Variants in CRTC1 observed in about 807,000 individuals in gnomAD.
CRTC1 encodes the protein CREB regulated transcription coactivator 1, also known as CREB-regulated transcription coactivator 1.
In CRTC1, 18 loss-of-function variants were observed where a neutral mutation model predicts 66.1. The ratio of observed to expected loss-of-function variants is 0.27; its 90% CI spans 0.19 to 0.40. CRTC1 has a LOEUF of 0.40. CRTC1 is among the 10% of genes least tolerant of loss of function. The pLI is 1.00. For missense variants in CRTC1, 669 were observed against 887.9 expected, an observed-to-expected ratio of 0.75 and a Z score of 3.13; for synonymous variants, 416 against 398.8, an observed-to-expected ratio of 1.04 and a Z score of -0.51.
intron 1 of CRTC1, among the ~76,000 whole-genome samples, chr19:18,709,170 G>A (rs1373953101): frequency 6.6e-6 from 1 of 152,188 alleles, no homozygotes; most frequent in Non-Finnish European, 1.5e-5. Flanking sequence ...AGTGGGCAGA[G>A]CAGCTGCAGA....
intron 2 of CRTC1, chr19:18,744,017 G>T (rs1391482121): frequency 4.3e-6 from 6 of 1,402,526 alleles, no homozygotes; most frequent in Non-Finnish European, 6.0e-6. Context: ...GTCGCCCGAG[G>T]CCCACAGCCC....
chr19:18,695,693 G>A (rs924911889), intron 1 of CRTC1, among the ~76,000 whole-genome samples: 2 of 151,994 alleles, frequency 1.3e-5, no homozygotes, highest in African/African-American at 4.8e-5. Context: ...GTGAAACCCC[G>A]TCTCTACTAA....
intron 1 of CRTC1, among the ~76,000 whole-genome samples, chr19:18,725,016 C>T (rs953869567): frequency 6.6e-6 from 1 of 152,070 alleles, no homozygotes; most frequent in African/African-American, 2.4e-5. Context: ...CCCAGGAGCG[C>T]TCCTGTTGGT....
In CRTC1 at chr19:18,771,312, C is replaced by T. The variant is rs984907661; in HGVS notation, c.1321-130C>T. 4.1e-5 allele frequency: 29 copies of T among 698,908 alleles called. No homozygotes were observed. Among genetic ancestry groups the T allele is most frequent in the South Asian group, 6.1e-5 (3 of 49,130 alleles). The allele number at this position is 698,908 out of a possible 1,614,324, so 43.3% of individuals were successfully genotyped here. A position where few individuals can be genotyped will look rare whatever the true frequency, so the allele number is the denominator to read the frequency against. On this transcript the variant is annotated intron_variant, in intron 10 of 13. Transcript: ENST00000321949. This position sits in a 1 kb window ranked among gnomAD's most constrained non-coding sequence, Gnocchi z 4.6. ...GCTCCTCTGCCTACCAGTGGGGTGGCGACCATCACCAAGGTGTGAGGGGCG... is the reference window on the plus strand; with the variant it reads ...GCTCCTCTGCCTACCAGTGGGGTGGTGACCATCACCAAGGTGTGAGGGGCG...
chr19:18,755,481 G>A (rs576920000), intron 6 of CRTC1, among the ~76,000 whole-genome samples: 1 of 151,772 alleles, frequency 6.6e-6, no homozygotes, highest in South Asian at 2.1e-4. Context: ...CCATGCTGGA[G>A]TGCAATGGTA....
At chr19:18,769,294 T>C (rs2054810616) in intron 10 of CRTC1, among the ~76,000 whole-genome samples, 1 of 152,204 alleles carries the variant, frequency 6.6e-6, no homozygotes, top group Admixed American at 6.5e-5. Context: ...TAGGGCCGGC[T>C]CAGGCAGACA....
At chr19:18,727,600 A>AAAAAAAAAAG (rs1245345054) in intron 1 of CRTC1, among the ~76,000 whole-genome samples, 4 of 149,736 alleles carry the variant, frequency 2.7e-5, no homozygotes, top group African/African-American at 9.9e-5. Flanking sequence ...AAAAAAAAGA[A>AAAAAAAAAAG]GAAGAAAGGG....
intron 1 of CRTC1, among the ~76,000 whole-genome samples, chr19:18,706,003 T>C (rs1469809780): frequency 1.3e-5 from 2 of 148,828 alleles, no homozygotes; most frequent in Admixed American, 1.4e-4. Context: ...AGTATATTCA[T>C]ACTTTATCTA....
At chr19:18,753,610 A>C in intron 6 of CRTC1, 25 bp downstream of exon 6, 2 of 1,564,858 alleles carry the variant, frequency 1.3e-6, no homozygotes, top group East Asian at 2.3e-5. Context: ...GCTTTCAAAA[A>C]CTTTTTTTCT....
chr19:18,776,050 A>C (rs117275031), intron 13 of CRTC1, among the ~76,000 whole-genome samples: 1 of 152,150 alleles, frequency 6.6e-6, no homozygotes, highest in Non-Finnish European at 1.5e-5. Flanking sequence ...CGTCCCGTGC[A>C]TAGGATAGAG....
rs984029035 is a variant in CRTC1 at position 18,779,280 on chromosome 19, C to G, written c.*1898C>G. On this transcript the variant is annotated 3_prime_UTR_variant, in exon 14 of 14. Coordinates refer to ENST00000321949, the MANE Select transcript of CRTC1 (RefSeq NM_015321.3). ...GCAACCATCCCTTCCTCTCTTTGCC[C>G]GGCAATGCCTTTGGCATGTGTCTGA... 4.4e-6 allele frequency: 1 copy of G among 227,752 alleles called. No homozygotes were observed. Among genetic ancestry groups the G allele is most frequent in the African/African-American group, 2.2e-5 (1 of 44,962 alleles). 14.1% of individuals were successfully genotyped at this position (227,752 alleles called of 1,614,324 possible).
intron 9 of CRTC1, among the ~76,000 whole-genome samples, chr19:18,767,133 A>T (rs984059982): frequency 1.3e-5 from 2 of 152,112 alleles, no homozygotes; most frequent in Non-Finnish European, 2.9e-5. Context: ...TGTCTTTTTA[A>T]AAACAAAACA....
chr19:18,766,286 A>G (rs1433212779), intron 9 of CRTC1, among the ~76,000 whole-genome samples: 1 of 114,808 alleles, frequency 8.7e-6, no homozygotes, highest in Admixed American at 8.5e-5. Context: ...ATGCCTGGCT[A>G]ATTTTTTTTT....
At chr19:18,724,376 A>G (rs2053696842) in intron 1 of CRTC1, among the ~76,000 whole-genome samples, 1 of 152,050 alleles carries the variant, frequency 6.6e-6, no homozygotes, top group African/African-American at 2.4e-5. Flanking sequence ...TGGGGTGTTC[A>G]GGTTCTCAGC....
At chr19:18,728,538 C>T (rs947031970) in intron 1 of CRTC1, among the ~76,000 whole-genome samples, 2 of 151,972 alleles carry the variant, frequency 1.3e-5, no homozygotes, top group Non-Finnish European at 2.9e-5. Flanking sequence ...ATGGAGTTTC[C>T]CTCTTGTGGC....
chr19:18,721,774 C>T (rs934554617), intron 1 of CRTC1, among the ~76,000 whole-genome samples: 10 of 152,190 alleles, frequency 6.6e-5, no homozygotes, highest in Admixed American at 1.3e-4. Context: ...GGATTATAGG[C>T]GTGAGCCATG....
intron 9 of CRTC1, among the ~76,000 whole-genome samples, chr19:18,765,979 CAA>C (rs913319228): frequency 6.6e-6 from 1 of 151,996 alleles, no homozygotes; most frequent in Non-Finnish European, 1.5e-5. Context: ...AGAAAAAACT[CAA>C]GAGGTTAGCT....
chr19:18,754,015 C>T (rs533950821), intron 6 of CRTC1, among the ~76,000 whole-genome samples: 1 of 149,804 alleles, frequency 6.7e-6, no homozygotes, highest in Non-Finnish European at 1.5e-5. Context: ...GTGGGAGAAT[C>T]GTTTGAAACC....
chr19:18,777,515 C>T lies in CRTC1; in HGVS notation c.*133C>T. On this transcript the variant is annotated 3_prime_UTR_variant, in exon 14 of 14. Transcript: ENST00000321949. This position sits in a 1 kb window ranked among gnomAD's most constrained non-coding sequence, Gnocchi z 5.5. ...TGCAATGCCGCCAAGCGCCCCCCGCCAGCCCGCCCCCGGTTGTCCACCTCC... is the reference window on the plus strand; with the variant it reads ...TGCAATGCCGCCAAGCGCCCCCCGCTAGCCCGCCCCCGGTTGTCCACCTCC... 1.2e-6 allele frequency: 1 copy of T among 852,340 alleles called. No homozygotes were observed. Among genetic ancestry groups the T allele is most frequent in the Non-Finnish European group, 1.9e-6 (1 of 533,904 alleles). 52.8% of individuals were successfully genotyped at this position (852,340 alleles called of 1,614,324 possible).
Sources: gnomAD v4.1 joint callset for allele counts (sites outside exome capture counted in the v4.1 genomes callset) on GRCh38, gnomAD v4.1.1 for gene constraint, Gnocchi (gnomAD v3.1) non-coding constraint, MANE v1.5 for transcripts, NCBI Gene and HGNC (gene_info 2026-07-23, HGNC 2026-07-21) for gene names.